Variants in ERC1 observed in about 807,000 individuals in gnomAD.
ERC1 encodes the protein RAB6 interacting protein 2.
ERC1 carries 56 observed loss-of-function variants against 132.0 expected under a neutral mutation model. The observed-to-expected ratio is 0.42, with a 90% CI of 0.34 to 0.53. The LOEUF is 0.53. ERC1 is among the 20% of genes least tolerant of loss of function. The probability of loss-of-function intolerance (pLI) is 0.03; values close to 1 mark genes in which losing one functional copy is unlikely to be tolerated. For missense variants in ERC1, 1,202 were observed against 1,349.9 expected, an observed-to-expected ratio of 0.89 and a Z score of 1.72; for synonymous variants, 478 against 476.1, an observed-to-expected ratio of 1.00 and a Z score of -0.05.
intron 2 of ERC1, among the ~76,000 whole-genome samples, chr12:1,072,819 A>G (rs1004150237): frequency 1.2e-4 from 18 of 152,162 alleles, no homozygotes; most frequent in Non-Finnish European, 2.2e-4. Context: ...CAGCTTCCCT[A>G]GTAGCTGGGA....
At chr12:1,362,359 C>T (rs867070819) in intron 15 of ERC1, among the ~76,000 whole-genome samples, 6 of 152,092 alleles carry the variant, frequency 3.9e-5, no homozygotes, top group East Asian at 3.9e-4. Flanking sequence ...TCTGTCCATC[C>T]GATCTTGGCA....
chr12:1,014,115 G>A (rs1565783734), intron 1 of ERC1, among the ~76,000 whole-genome samples: 1 of 151,902 alleles, frequency 6.6e-6, no homozygotes, highest in East Asian at 1.9e-4. Context: ...AGTGCCGAAT[G>A]GTTGTGGAGG....
intron 18 of ERC1, among the ~76,000 whole-genome samples, chr12:1,457,912 GA>G (rs1204350822): frequency 6.6e-6 from 1 of 151,894 alleles, no homozygotes; most frequent in Non-Finnish European, 1.5e-5. Flanking sequence ...AAAAGAAAAA[GA>G]AAAAAAAGTT....
chr12:1,144,635 C>CGT (rs1491366355), intron 8 of ERC1, among the ~76,000 whole-genome samples: 15 of 136,492 alleles, frequency 1.1e-4, no homozygotes, highest in African/African-American at 3.8e-4. Context: ...TATATATATA[C>CGT]GTGTATATAT....
chr12:1,062,142 C>CCTTGG, intron 2 of ERC1, among the ~76,000 whole-genome samples: 1 of 151,776 alleles, frequency 6.6e-6, no homozygotes, highest in Non-Finnish European at 1.5e-5. Flanking sequence ...CACCAGCACG[C>CCTTGG]CTGGCTAATT....
chr12:1,405,001 G>T lies in ERC1; in HGVS notation c.2926-3148G>T, dbSNP rs371640556. 8.6e-5 allele frequency among the ~76,000 whole-genome samples: 13 copies of T among 151,992 alleles called. No homozygotes were observed. In the South Asian group the frequency reaches 2.5e-3, roughly 29 times the overall value. ...TAAAAATACAAAAAAAATAGCCAGCGTGGTGGTGTGTGCCTCTAATCCGAG... is the reference window on the plus strand; with the variant it reads ...TAAAAATACAAAAAAAATAGCCAGCTTGGTGGTGTGTGCCTCTAATCCGAG... On this transcript the variant is annotated intron_variant, in intron 16 of 18. Coordinates refer to ENST00000360905, the MANE Select transcript of ERC1 (RefSeq NM_178040.4).
intron 1 of ERC1, among the ~76,000 whole-genome samples, chr12:1,017,495 A>ATTTTTTTTTTTTT (rs67654163): frequency 8.0e-6 from 1 of 124,906 alleles, no homozygotes; most frequent in Non-Finnish European, 1.7e-5. Flanking sequence ...TTGTTCTGGT[A>ATTTTTTTTTTTTT]TTTTTTTTTT....
chr12:1,058,238 C>G (rs1973361672), intron 2 of ERC1, among the ~76,000 whole-genome samples: 1 of 152,036 alleles, frequency 6.6e-6, no homozygotes. Flanking sequence ...GCTTTTGAAA[C>G]CTTACCAAGA....
intron 7 of ERC1, among the ~76,000 whole-genome samples, chr12:1,134,278 G>T (rs1949044066): frequency 6.6e-6 from 1 of 151,204 alleles, no homozygotes; most frequent in Non-Finnish European, 1.5e-5. Context: ...GGAAAATACA[G>T]GTTTTTGAAA....
intron 17 of ERC1, among the ~76,000 whole-genome samples, chr12:1,412,176 C>T (rs1396093110): frequency 6.6e-6 from 1 of 152,220 alleles, no homozygotes; most frequent in East Asian, 1.9e-4. Flanking sequence ...TAAAACACTG[C>T]AGAAGTTTTG....
intron 18 of ERC1, among the ~76,000 whole-genome samples, chr12:1,482,354 A>C (rs1393570354): frequency 1.4e-5 from 2 of 142,160 alleles, no homozygotes; most frequent in African/African-American, 5.1e-5. Context: ...TACTGAAGGC[A>C]GTAGCATTTT....
intron 14 of ERC1, among the ~76,000 whole-genome samples, chr12:1,289,072 C>G (rs1465957057): frequency 7.8e-6 from 1 of 127,460 alleles, no homozygotes; most frequent in African/African-American, 2.9e-5. Flanking sequence ...TGTCTCCTTT[C>G]TATCTGGTAT....
At chr12:1,373,510 G>T (rs117735925) in intron 16 of ERC1, among the ~76,000 whole-genome samples, 1 of 152,184 alleles carries the variant, frequency 6.6e-6, no homozygotes, top group Non-Finnish European at 1.5e-5. Flanking sequence ...GGCCGGGCAC[G>T]GTGGCTCACG....
intron 15 of ERC1, among the ~76,000 whole-genome samples, chr12:1,337,483 T>A (rs2083416133): frequency 1.3e-5 from 2 of 152,132 alleles, no homozygotes; most frequent in South Asian, 4.1e-4. Flanking sequence ...TGGGTCTTGG[T>A]TCTTTATCTA....
rs896967311 is a variant in ERC1, at chr12:1,112,243, C to G, written c.1346C>G (p.Ser449Trp). The G allele has an allele frequency of 6.2e-7, 1 of 1,612,986 alleles. No homozygotes were observed. The highest frequency in any genetic ancestry group is 8.5e-7 in the Non-Finnish European group (1 of 1,179,236). The change falls in exon 6 of 19, where the codon TCG becomes TGG. Residue 449 changes from serine to tryptophan, a missense_variant. Ser to Trp is a radical substitution (Grantham distance 177, BLOSUM62 -3). Transcript: ENST00000360905. Reference sequence around the variant, plus strand: ...GAACAACTGAAGGAGGAACTAAGTTCGAAAGAGGCTCAATGGGAGGAGCTG... The same window carrying G: ...GAACAACTGAAGGAGGAACTAAGTTGGAAAGAGGCTCAATGGGAGGAGCTG... ...KVEQLKEELS[S>W]KEAQWEELKK...
chr12:1,314,109 A>G (rs759816836), intron 15 of ERC1, among the ~76,000 whole-genome samples: 1 of 152,130 alleles, frequency 6.6e-6, no homozygotes, highest in Non-Finnish European at 1.5e-5. Context: ...AGTATTTCCT[A>G]TTGTATTAGA....
intron 14 of ERC1, among the ~76,000 whole-genome samples, chr12:1,286,293 CAA>C (rs71293127): frequency 2.6e-4 from 21 of 81,268 alleles, no homozygotes; most frequent in Non-Finnish European, 3.7e-4. Context: ...GACTCCATCT[CAA>C]AAAAAAAAAA....
intron 13 of ERC1, among the ~76,000 whole-genome samples, chr12:1,251,774 G>T (rs1436722070): frequency 6.6e-6 from 1 of 152,080 alleles, no homozygotes; most frequent in Non-Finnish European, 1.5e-5. Context: ...TAATAGCAGT[G>T]AAATTTATTG....
chr12:1,488,646 C>T (rs925051845), intron 18 of ERC1, among the ~76,000 whole-genome samples: 1 of 152,176 alleles, frequency 6.6e-6, no homozygotes, highest in Admixed American at 6.5e-5. Flanking sequence ...GACCTTGAAA[C>T]CCAGGCAGCC....
Sources: gnomAD v4.1 joint callset for allele counts (sites outside exome capture counted in the v4.1 genomes callset) on GRCh38, gnomAD v4.1.1 for gene constraint, MANE v1.5 for transcripts, NCBI Gene and HGNC (gene_info 2026-07-23, HGNC 2026-07-21) for gene names.